Variants in DNAH14 observed in about 807,000 individuals in gnomAD.
The protein encoded by DNAH14 is axonemal beta dynein heavy chain 14.
A neutral mutation model predicts 520.9 loss-of-function variants in DNAH14; 478 were observed. That is an observed-to-expected ratio of 0.92 (90% CI 0.85 to 0.99). DNAH14 has a LOEUF of 0.99. Ranked by LOEUF, DNAH14 falls within the 50% of genes least tolerant of loss-of-function variation. The probability of loss-of-function intolerance (pLI) is 0.00; values close to 1 mark genes in which losing one functional copy is unlikely to be tolerated. For missense variants in DNAH14, 4,831 were observed against 5,234.5 expected (o/e 0.92, Z 2.38); for synonymous variants, 1,581 against 1,757.2 (o/e 0.90, Z 2.51).
intron 55 of DNAH14, among the ~76,000 whole-genome samples, chr1:225,300,013 C>G (rs1484464693): frequency 6.6e-6 from 1 of 152,110 alleles, no homozygotes; most frequent in Non-Finnish European, 1.5e-5. Flanking sequence ...AAAAAGAAAT[C>G]TTGGATTTAT....
chr1:225,004,112 A>C (rs2063980475), intron 9 of DNAH14, among the ~76,000 whole-genome samples: 1 of 152,164 alleles, frequency 6.6e-6, no homozygotes, highest in South Asian at 2.1e-4. Flanking sequence ...ACAGTATGTA[A>C]GTATTTATTA....
intron 10 of DNAH14, among the ~76,000 whole-genome samples, chr1:225,019,623 C>T (rs147372984): frequency 7.2e-5 from 11 of 152,144 alleles, no homozygotes; most frequent in Non-Finnish European, 1.2e-4. Flanking sequence ...ACATTCTTCT[C>T]GTCAGCACAT....
intron 60 of DNAH14, 43 bp downstream of exon 60, chr1:225,308,453 A>T (rs554407607): frequency 1.3e-6 from 2 of 1,496,042 alleles, no homozygotes; most frequent in South Asian, 2.7e-5. Flanking sequence ...TGGAGATTTG[A>T]AAAAGTATTC....
intron 8 of DNAH14, among the ~76,000 whole-genome samples, chr1:224,981,446 T>C (rs2062260871): frequency 6.6e-6 from 1 of 152,198 alleles, no homozygotes; most frequent in Non-Finnish European, 1.5e-5. Flanking sequence ...AATTTTAAAT[T>C]ACCATTTCAA....
chr1:225,033,923 TC>T (rs1221691473), intron 11 of DNAH14, among the ~76,000 whole-genome samples: 1 of 152,200 alleles, frequency 6.6e-6, no homozygotes, highest in African/African-American at 2.4e-5. Context: ...TGATTTTGTA[TC>T]CTGCAACTTT....
intron 22 of DNAH14, among the ~76,000 whole-genome samples, chr1:225,099,626 G>A (rs1012260308): frequency 6.6e-6 from 1 of 152,098 alleles, no homozygotes; most frequent in Middle Eastern, 3.4e-3. Flanking sequence ...ACATAGTAGG[G>A]GTTTCCAAGC....
At chr1:225,393,028 T>G (rs1426884333) in intron 84 of DNAH14, among the ~76,000 whole-genome samples, 1 of 152,240 alleles carries the variant, frequency 6.6e-6, no homozygotes, top group Non-Finnish European at 1.5e-5. Context: ...TGTCATTTTC[T>G]AAATTCCAAT....
chr1:225,351,864 T>C lies in DNAH14; in HGVS notation c.11514T>C (p.Asn3838=). Residue 3838 remains asparagine, a synonymous_variant, in exon 72 of 86, where the codon AAT becomes AAC. Coordinates refer to ENST00000682510, the MANE Select transcript of DNAH14 (RefSeq NM_001367479.1). The stretch of plus-strand genomic sequence containing the variant: ...CAGAAAATGCTTCATTGGAGGAAAA[T>C]ACAAAACCACCAGAGGAAAGTAAGA... ...FSSENASLEE[N]TKPPEETELL... is the part of the protein sequence containing the mutation. The C allele has an allele frequency of 6.4e-7, 1 of 1,550,996 alleles. No homozygotes were observed. Among genetic ancestry groups the C allele is most frequent in the Non-Finnish European group, 8.7e-7 (1 of 1,146,578 alleles).
chr1:225,266,175 A>T (rs2093110240), intron 48 of DNAH14, among the ~76,000 whole-genome samples: 1 of 152,118 alleles, frequency 6.6e-6, no homozygotes, highest in South Asian at 2.1e-4. Flanking sequence ...TTTGCAGCAG[A>T]ATTTTTTAAG....
intron 44 of DNAH14, among the ~76,000 whole-genome samples, chr1:225,257,114 A>G (rs2149739801): frequency 6.6e-6 from 1 of 152,338 alleles, no homozygotes; most frequent in Non-Finnish European, 1.5e-5. Flanking sequence ...TTTTCCAGAA[A>G]TTATTATGTA....
intron 10 of DNAH14, among the ~76,000 whole-genome samples, chr1:225,009,119 C>T (rs1434549536): frequency 1.3e-5 from 2 of 152,094 alleles, no homozygotes; most frequent in African/African-American, 4.8e-5. Flanking sequence ...TTAATTAGAT[C>T]CCATTTGTCA....
At chr1:225,252,239 G>C in intron 43 of DNAH14, 62 bp from the exon 44 acceptor site, 1 of 865,226 alleles carries the variant, frequency 1.2e-6, no homozygotes, top group Non-Finnish European at 1.9e-6. Context: ...AGTTTACATG[G>C]TTAGTGAAAC....
intron 1 of DNAH14, among the ~76,000 whole-genome samples, chr1:224,937,062 A>G (rs1427976099): frequency 1.3e-5 from 2 of 152,022 alleles, no homozygotes; most frequent in Admixed American, 6.6e-5. Context: ...TAGAAGGAAC[A>G]TACCACAAAA....
chr1:225,026,026 T>C lies in DNAH14; in HGVS notation c.1358+2161T>C, dbSNP rs541576775. Among the ~76,000 whole-genome samples, 184 of 151,950 alleles carry C rather than the reference T, an allele frequency of 1.2e-3. 2 individuals are homozygous for C. The highest frequency in any genetic ancestry group is 6.8e-3 in the Middle Eastern group (2 of 294). On this transcript the variant is annotated intron_variant, in intron 11 of 85. Coordinates refer to ENST00000682510, the MANE Select transcript of DNAH14 (RefSeq NM_001367479.1). ...AATTAATTAATTAATTTAGATGGGGTCTTGTGTTTCTCAGACTTGTCTTGA... is the reference window on the plus strand; with the variant it reads ...AATTAATTAATTAATTTAGATGGGGCCTTGTGTTTCTCAGACTTGTCTTGA...
At chr1:225,370,241 C>T (rs2095603428) in intron 77 of DNAH14, among the ~76,000 whole-genome samples, 1 of 152,082 alleles carries the variant, frequency 6.6e-6, no homozygotes, top group South Asian at 2.1e-4. Flanking sequence ...GAGATCACAG[C>T]ACTTCACTCC....
At chr1:224,974,571 T>C (rs1240951268) in intron 8 of DNAH14, among the ~76,000 whole-genome samples, 3 of 152,224 alleles carry the variant, frequency 2.0e-5, no homozygotes, top group African/African-American at 7.2e-5. Context: ...AGATATCCCA[T>C]GTACCTTTTA....
intron 66 of DNAH14, among the ~76,000 whole-genome samples, chr1:225,334,325 AAAAAAAATT>A (rs1319578796): frequency 2.0e-5 from 3 of 151,836 alleles, no homozygotes. Flanking sequence ...ACCGTGTCTA[AAAAAAAATT>A]AAAAAATTAC....
intron 8 of DNAH14, among the ~76,000 whole-genome samples, chr1:225,002,186 T>A (rs2063820797): frequency 6.6e-6 from 1 of 152,122 alleles, no homozygotes; most frequent in African/African-American, 2.4e-5. Context: ...TGATCCAATT[T>A]TTAAGGAACC....
chr1:225,046,344 T>G (rs147266043), intron 15 of DNAH14, among the ~76,000 whole-genome samples: 1 of 152,216 alleles, frequency 6.6e-6, no homozygotes, highest in Non-Finnish European at 1.5e-5. Context: ...CTAAAAGGCT[T>G]CAGGATATGG....
Sources: gnomAD v4.1 joint callset for allele counts (sites outside exome capture counted in the v4.1 genomes callset) on GRCh38, gnomAD v4.1.1 for gene constraint, MANE v1.5 for transcripts, NCBI Gene and HGNC (gene_info 2026-07-23, HGNC 2026-07-21) for gene names.